The following ZNG1E variants were observed in gnomAD, a reference collection of about 807,000 sequenced individuals.
The protein encoded by ZNG1E is zinc-regulated GTPase metalloprotein activator 1E.
the ZNG1E span, among the ~76,000 whole-genome samples, chr9:65,672,626 C>G: frequency 6.6e-6 from 1 of 151,424 alleles, no homozygotes; most frequent in African/African-American, 2.4e-5. Flanking sequence ...TACCTGTAAT[C>G]CCAGCTACTC....
the ZNG1E span, chr9:65,723,189 TG>T: frequency 3.3e-6 from 1 of 304,130 alleles, no homozygotes; most frequent in Non-Finnish European, 6.0e-6. Flanking sequence ...GAGTTGGTAC[TG>T]GAATCCTGGT....
chr9:65,660,219 G>T, the ZNG1E span, among the ~76,000 whole-genome samples: 97 of 136,668 alleles, frequency 7.1e-4, 1 homozygote, highest in Non-Finnish European at 6.2e-4. Context: ...TGAAGAAAAT[G>T]AAATTAAAAG....
chr9:65,721,092 G>C, the ZNG1E span, among the ~76,000 whole-genome samples: 1 of 149,188 alleles, frequency 6.7e-6, no homozygotes, highest in African/African-American at 2.6e-5. Flanking sequence ...GGGATGAAAA[G>C]ATGAAGAAAA....
the ZNG1E span, chr9:65,693,588 C>T: frequency 1.6e-5 from 14 of 862,936 alleles, no homozygotes; most frequent in Admixed American, 3.5e-5. Flanking sequence ...GACAGAGTCT[C>T]ACTCTGTTGC....
the ZNG1E span, among the ~76,000 whole-genome samples, chr9:65,661,119 CT>C: frequency 1.4e-5 from 2 of 147,254 alleles, no homozygotes; most frequent in Non-Finnish European, 3.0e-5. Flanking sequence ...TAAAATTATC[CT>C]GATTTTAACA....
At chr9:65,687,621 A>G in the ZNG1E span, among the ~76,000 whole-genome samples, 9 of 150,724 alleles carry the variant, frequency 6.0e-5, no homozygotes, top group African/African-American at 1.9e-4. Context: ...CTGAGTTTCA[A>G]TGCTTGCTGT....
the ZNG1E span, among the ~76,000 whole-genome samples, chr9:65,668,186 G>A: frequency 1.3e-5 from 2 of 151,868 alleles, no homozygotes; most frequent in South Asian, 2.1e-4. Flanking sequence ...GAATGCACAT[G>A]TATGCAAATA....
the ZNG1E span, chr9:65,719,964 T>C: frequency 1.9e-6 from 3 of 1,567,064 alleles, 1 homozygote; most frequent in African/African-American, 2.9e-5. Context: ...AGTCACTTCA[T>C]TATCCTTGTG....
chr9:65,672,268 G>T, the ZNG1E span, among the ~76,000 whole-genome samples: 1 of 146,740 alleles, frequency 6.8e-6, no homozygotes, highest in Non-Finnish European at 1.5e-5. Context: ...CATTACTATT[G>T]TTGTTGTTGT....
the ZNG1E span, chr9:65,703,688 T>C: frequency 1.0e-6 from 1 of 968,500 alleles, no homozygotes. Context: ...CAGCTGGCAG[T>C]CTAGTTCTAC....
the ZNG1E span, among the ~76,000 whole-genome samples, chr9:65,685,329 C>T: frequency 5.8e-4 from 88 of 152,344 alleles, no homozygotes; most frequent in Non-Finnish European, 7.9e-4. Flanking sequence ...TTAGTTGACT[C>T]TCCCTTTCAT....
At chr9:65,714,865 TG>T in the ZNG1E span, among the ~76,000 whole-genome samples, 1 of 151,988 alleles carries the variant, frequency 6.6e-6, no homozygotes, top group East Asian at 1.9e-4. Flanking sequence ...GTCTGTGCCC[TG>T]CCCCCAGAGG....
the ZNG1E span, among the ~76,000 whole-genome samples, chr9:65,713,533 TC>T: frequency 6.6e-6 from 1 of 151,602 alleles, no homozygotes; most frequent in Non-Finnish European, 1.5e-5. Context: ...CTTCAGGAGC[TC>T]TTTTAGGGCA....
the ZNG1E span, among the ~76,000 whole-genome samples, chr9:65,664,820 G>T: frequency 2.0e-5 from 3 of 152,286 alleles, no homozygotes; most frequent in East Asian, 5.8e-4. Flanking sequence ...AGGCTGAGGT[G>T]GTCTTAGATG....
the ZNG1E span, chr9:65,719,506 TCTGA>T: frequency 7.9e-6 from 1 of 127,250 alleles, no homozygotes; most frequent in African/African-American, 3.5e-5. Context: ...TTTTTAACAT[TCTGA>T]CTTTCTTTTT....
the ZNG1E span, among the ~76,000 whole-genome samples, chr9:65,671,831 C>T: frequency 6.9e-6 from 1 of 145,636 alleles, no homozygotes; most frequent in Non-Finnish European, 1.5e-5. Flanking sequence ...GTCTGGTCTG[C>T]TTGGGATTAG....
the ZNG1E span, chr9:65,707,935 C>T: frequency 2.7e-5 from 4 of 149,410 alleles, no homozygotes; most frequent in African/African-American, 1.0e-4. Flanking sequence ...TCTCGGCTCA[C>T]TGCAACCTCC....
At chr9:65,657,944 A>G in the ZNG1E span, among the ~76,000 whole-genome samples, 6 of 152,264 alleles carry the variant, frequency 3.9e-5, no homozygotes, top group Non-Finnish European at 5.9e-5. Context: ...TACTAAAAAT[A>G]CAAAGTTAGC....
chr9:65,684,162 T>G, the ZNG1E span, among the ~76,000 whole-genome samples: 1 of 152,084 alleles, frequency 6.6e-6, no homozygotes, highest in African/African-American at 2.4e-5. Flanking sequence ...TGGGTAAAGA[T>G]GGAACATTCA....
Sources: allele counts gnomAD v4.1 joint callset (sites outside exome capture counted in the v4.1 genomes callset), GRCh38; gene constraint gnomAD v4.1.1; transcripts MANE v1.5; gene names NCBI Gene and HGNC (gene_info 2026-07-23, HGNC 2026-07-21).